Variants in HPSE2 observed in about 807,000 individuals in gnomAD.
The protein encoded by HPSE2 is heparanase 2 (inactive), also known as inactive heparanase-2.
In HPSE2, 38 loss-of-function variants were observed where a neutral mutation model predicts 60.5. The ratio of observed to expected loss-of-function variants is 0.63; its 90% CI spans 0.48 to 0.82. HPSE2 has a LOEUF of 0.82. HPSE2 is among the 40% of genes least tolerant of loss of function. HPSE2 has a pLI of 0.00. For missense variants in HPSE2, 713 were observed against 740.4 expected (o/e 0.96, Z 0.43); for synonymous variants, 295 against 293.2 (o/e 1.01, Z -0.06).
At chr10:98,970,258 C>T (rs1446052798) in intron 3 of HPSE2, among the ~76,000 whole-genome samples, 4 of 151,996 alleles carry the variant, frequency 2.6e-5, no homozygotes, top group Admixed American at 2.0e-4. Context: ...CCACCACGCC[C>T]GGCCTGTCAC....
chr10:98,545,757 C>G (rs1196318671), intron 9 of HPSE2, among the ~76,000 whole-genome samples: 3 of 151,734 alleles, frequency 2.0e-5, no homozygotes, highest in East Asian at 2.0e-4. Context: ...CAGGGATGCC[C>G]TCTCTCACCA....
intron 9 of HPSE2, among the ~76,000 whole-genome samples, chr10:98,545,721 C>A (rs1345627653): frequency 6.6e-6 from 1 of 151,934 alleles, no homozygotes; most frequent in African/African-American, 2.4e-5. Context: ...AAACTGGAAG[C>A]ATTCCCTTTG....
At chr10:98,734,523 A>C (rs995936688) in intron 4 of HPSE2, among the ~76,000 whole-genome samples, 2 of 143,766 alleles carry the variant, frequency 1.4e-5, no homozygotes, top group Non-Finnish European at 3.1e-5. Context: ...TTGTTACTTT[A>C]CTTTTCCTTT....
At chr10:98,474,807 CTATT>C (rs1240356805) in intron 11 of HPSE2, among the ~76,000 whole-genome samples, 1 of 152,038 alleles carries the variant, frequency 6.6e-6, no homozygotes, top group East Asian at 1.9e-4. Context: ...CTTTACATGT[CTATT>C]TATGGCACCA....
In HPSE2 at chr10:98,937,308, G is replaced by A. The variant is rs1175338875; in HGVS notation, c.611-193252C>T. Among the ~76,000 whole-genome samples the A allele has an allele frequency of 2.8e-5, 4 of 144,700 alleles. 2 individuals carry two copies. The highest frequency in any genetic ancestry group is 1.1e-4 in the African/African-American group (4 of 35,856). The allele number at this position is 144,700 out of a possible 152,430, so 94.9% of individuals were successfully genotyped here. A position where few individuals can be genotyped will look rare whatever the true frequency, so the allele number is the denominator to read the frequency against. On this transcript the variant is annotated intron_variant, in intron 3 of 11. Coordinates refer to ENST00000370552, the MANE Select transcript of HPSE2 (RefSeq NM_021828.5). ...CATTGCCTCACTCAGGAAGTGCAAG[G>A]AGTCGGGGAGTTCCCTTTCCTAGTC...
intron 3 of HPSE2, among the ~76,000 whole-genome samples, chr10:98,836,594 C>T (rs1951795834): frequency 6.6e-6 from 1 of 152,112 alleles, no homozygotes. Context: ...ATGTGTAGAA[C>T]AGGTCATGAG....
the HPSE2 span, among the ~76,000 whole-genome samples, chr10:99,266,331 G>A: frequency 2.4e-4 from 36 of 151,008 alleles, no homozygotes; most frequent in South Asian, 2.1e-4. Context: ...TGAGACCAAC[G>A]TTTTGGGCTG....
At chr10:99,193,250 T>C (rs990476679) in intron 2 of HPSE2, among the ~76,000 whole-genome samples, 2 of 151,978 alleles carry the variant, frequency 1.3e-5, no homozygotes, top group Non-Finnish European at 2.9e-5. Context: ...ATTTGTCTCA[T>C]GGTAACCTCA....
intron 3 of HPSE2, among the ~76,000 whole-genome samples, chr10:99,071,069 CT>C (rs35699449): frequency 0.025 from 3,320 of 132,494 alleles, 34 homozygotes; most frequent in Non-Finnish European, 0.034. Context: ...ATTTTTAATT[CT>C]TTTTTTTTTT....
intron 3 of HPSE2, among the ~76,000 whole-genome samples, chr10:99,050,280 CAA>C (rs1172531175): frequency 6.8e-6 from 1 of 147,146 alleles, no homozygotes; most frequent in African/African-American, 2.5e-5. Context: ...CAAGCCTAGA[CAA>C]AAGAGTGAGA....
At chr10:98,535,592 T>C (rs1943258311) in intron 9 of HPSE2, among the ~76,000 whole-genome samples, 1 of 152,186 alleles carries the variant, frequency 6.6e-6, no homozygotes, top group Non-Finnish European at 1.5e-5. Context: ...TCTAAGCGTA[T>C]ACTATTGATA....
chr10:99,049,497 A>C (rs1008650829), intron 3 of HPSE2, among the ~76,000 whole-genome samples: 1 of 152,164 alleles, frequency 6.6e-6, no homozygotes, highest in African/African-American at 2.4e-5. Context: ...ACAAAGGCAA[A>C]GTAAACTTTT....
intron 3 of HPSE2, among the ~76,000 whole-genome samples, chr10:98,892,124 G>A (rs952663343): frequency 1.3e-5 from 2 of 152,020 alleles, no homozygotes; most frequent in Admixed American, 6.6e-5. Flanking sequence ...TTGAGTATCT[G>A]GTTAGAGGTC....
intron 3 of HPSE2, among the ~76,000 whole-genome samples, chr10:98,948,988 G>A (rs1270252127): frequency 6.6e-6 from 1 of 151,998 alleles, no homozygotes; most frequent in African/African-American, 2.4e-5. Context: ...TTAACAGTAG[G>A]CTATTAATAG....
chr10:99,199,055 C>A (rs568566686), intron 2 of HPSE2, among the ~76,000 whole-genome samples: 202 of 152,224 alleles, frequency 1.3e-3, no homozygotes, highest in African/African-American at 4.4e-3. Context: ...ATTCCATTGT[C>A]TTTTTATACC....
chr10:98,469,633 T>C (rs1294116261), intron 11 of HPSE2, among the ~76,000 whole-genome samples: 1 of 152,204 alleles, frequency 6.6e-6, no homozygotes, highest in Non-Finnish European at 1.5e-5. Flanking sequence ...TTAGCCTGGA[T>C]TTCAAGGCCT....
Position 98,868,145 on chromosome 10 carries a change from T to C in HPSE2, c.611-124089A>G, listed in dbSNP as rs562284491. ...AATAAATTGTGGTACTTATACACAA[T>C]GAAGTACTATTCAGCTATAAAAAGA... is the stretch of plus-strand genomic sequence containing the variant. On this transcript the variant is annotated intron_variant, in intron 3 of 11. Coordinates refer to ENST00000370552, the MANE Select transcript of HPSE2 (RefSeq NM_021828.5). Among the ~76,000 whole-genome samples, 175 of 151,644 alleles carry C rather than the reference T, an allele frequency of 1.2e-3. 2 individuals are homozygous for C. The highest frequency in any genetic ancestry group is 4.0e-3 in the African/African-American group (167 of 41,456).
intron 9 of HPSE2, among the ~76,000 whole-genome samples, chr10:98,576,508 T>C (rs1944644062): frequency 6.6e-6 from 1 of 151,922 alleles, no homozygotes; most frequent in Admixed American, 6.6e-5. Context: ...CTCGGGCCCA[T>C]GTTACAGCCA....
chr10:99,254,492 G>A, the HPSE2 span, among the ~76,000 whole-genome samples: 13 of 151,872 alleles, frequency 8.6e-5, no homozygotes, highest in Non-Finnish European at 1.9e-4. Flanking sequence ...CCTCAGCATC[G>A]TGCAATATAA....
Sources: allele counts gnomAD v4.1 joint callset (sites outside exome capture counted in the v4.1 genomes callset), GRCh38; gene constraint gnomAD v4.1.1; transcripts MANE v1.5; gene names NCBI Gene and HGNC (gene_info 2026-07-23, HGNC 2026-07-21).